Variants in SAP30BP observed in about 807,000 individuals in gnomAD.
SAP30BP encodes the protein SAP30-binding protein.
In SAP30BP, 31 loss-of-function variants were observed where a neutral mutation model predicts 46.3. The ratio of observed to expected loss-of-function variants is 0.67; its 90% CI spans 0.50 to 0.90. SAP30BP has a LOEUF of 0.90. Ranked by LOEUF, SAP30BP falls within the 40% of genes least tolerant of loss-of-function variation. The pLI is 0.00. For missense variants in SAP30BP, 312 were observed against 391.0 expected (o/e 0.80, Z 1.70); for synonymous variants, 169 against 144.2 (o/e 1.17, Z -1.23).
chr17:75,681,467 C>T (rs894621287), intron 3 of SAP30BP, among the ~76,000 whole-genome samples: 4 of 152,194 alleles, frequency 2.6e-5, no homozygotes, highest in African/African-American at 7.2e-5. Context: ...AGAGCTGACT[C>T]GGTAATTCCC....
chr17:75,673,699 G>T (rs552034849), intron 3 of SAP30BP, among the ~76,000 whole-genome samples: 4 of 152,238 alleles, frequency 2.6e-5, no homozygotes, highest in African/African-American at 9.6e-5. Flanking sequence ...CAGGGTGGGG[G>T]TCACATGAAA....
intron 3 of SAP30BP, among the ~76,000 whole-genome samples, chr17:75,682,813 A>G (rs1254650469): frequency 6.6e-6 from 1 of 151,356 alleles, no homozygotes; most frequent in Non-Finnish European, 1.5e-5. Context: ...AAATACAAAA[A>G]TTAGCCAGAC....
chr17:75,691,809 A>G (rs1158311635), intron 3 of SAP30BP: 6 of 262,210 alleles, frequency 2.3e-5, no homozygotes, highest in Admixed American at 1.5e-4. Context: ...TGTTCTCTAG[A>G]GGGAAAATGT....
intron 1 of SAP30BP, 46 bp downstream of exon 1, chr17:75,667,524 C>T (rs755787623): frequency 1.9e-6 from 3 of 1,554,914 alleles, no homozygotes; most frequent in South Asian, 2.2e-5. Context: ...GGTGTCTGCC[C>T]GGAATGCTGT....
rs1487319995 is a variant in SAP30BP at position 75,693,495 on chromosome 17, G to A, written c.307+13G>A. 6.2e-7 allele frequency: 1 copy of A among 1,613,088 alleles called. No homozygotes were observed. Among genetic ancestry groups the A allele is most frequent in the Non-Finnish European group, 8.5e-7 (1 of 1,179,418 alleles). On this transcript the variant is annotated intron_variant, in intron 4 of 10. Transcript: ENST00000584667. ...CAGGAACTCGTGGGTGAGTATTGGG[G>A]GATCCTGGGGGCACGTTTCTCAGCC...
intron 3 of SAP30BP, among the ~76,000 whole-genome samples, chr17:75,675,811 A>G (rs951029077): frequency 6.6e-6 from 1 of 152,038 alleles, no homozygotes; most frequent in Non-Finnish European, 1.5e-5. Flanking sequence ...CAGCTACTCG[A>G]GAGGCTGAGG....
intron 4 of SAP30BP, among the ~76,000 whole-genome samples, chr17:75,695,260 G>T (rs1179466768): frequency 6.6e-6 from 1 of 152,208 alleles, no homozygotes; most frequent in East Asian, 1.9e-4. Flanking sequence ...CCCACTACGT[G>T]CCAGAGGCAC....
chr17:75,699,804 G>A lies in SAP30BP; in HGVS notation c.329G>A (p.Arg110Gln), dbSNP rs755257808. The A allele has an allele frequency of 3.1e-6, 5 of 1,612,732 alleles. No individual in the cohort carries two copies. Among genetic ancestry groups the A allele is most frequent in the Admixed American group, 1.7e-5 (1 of 59,954 alleles). The change falls in exon 5 of 11, where the codon CGG (arginine) becomes CAG (glutamine). Residue 110 changes from arginine to glutamine, a missense_variant. By Grantham distance (43) the Arg-to-Gln change is conservative. Around this residue, in one of 2 missense-constraint regions of SAP30BP, gnomAD observed 296 missense variants for 346.6 expected, o/e 0.85. Coordinates refer to ENST00000584667, the MANE Select transcript of SAP30BP (RefSeq NM_013260.8). ...ACAGCCTCCTTTTCTGAAAGAGTTCGGAACATGTCGCCTGATGAAATCAAG... is the reference window on the plus strand; with the variant it reads ...ACAGCCTCCTTTTCTGAAAGAGTTCAGAACATGTCGCCTGATGAAATCAAG... Reference protein sequence around the residue: ...ELVASFSERVRNMSPDEIKIP... With the variant: ...ELVASFSERVQNMSPDEIKIP...
At chr17:75,674,599 A>G (rs183820953) in intron 3 of SAP30BP, among the ~76,000 whole-genome samples, 1 of 150,358 alleles carries the variant, frequency 6.7e-6, no homozygotes, top group Non-Finnish European at 1.5e-5. Flanking sequence ...CCCAGCCCAC[A>G]TTTTTTTAAA....
chr17:75,679,603 G>A (rs1182070919), intron 3 of SAP30BP: 2 of 152,186 alleles, frequency 1.3e-5, no homozygotes, highest in African/African-American at 4.8e-5. Context: ...TGTCCTTTAG[G>A]TTGGGGCAGC....
chr17:75,706,578 G>C lies in SAP30BP; in HGVS notation c.*57G>C. Reference sequence around the variant, plus strand: ...CGTGCAGCCCAGTGACCACTGCCCAGTGGGAGGCGCCACTTTGTATATTTC... The same window carrying C: ...CGTGCAGCCCAGTGACCACTGCCCACTGGGAGGCGCCACTTTGTATATTTC... On this transcript the variant is annotated 3_prime_UTR_variant, in exon 11 of 11. Transcript: ENST00000584667. This position sits in a 1 kb window ranked among gnomAD's most constrained non-coding sequence, Gnocchi z 4.6. 1.3e-6 allele frequency: 2 copies of C among 1,500,244 alleles called. No individual in the cohort carries two copies. The highest frequency in any genetic ancestry group is 1.8e-6 in the Non-Finnish European group (2 of 1,086,830). The allele number at this position is 1,500,244 out of a possible 1,614,324, so 92.9% of individuals were successfully genotyped here.
intron 6 of SAP30BP, 113 bp downstream of exon 6, chr17:75,702,684 A>G: frequency 5.6e-6 from 3 of 536,634 alleles, no homozygotes; most frequent in Non-Finnish European, 6.9e-6. Context: ...CATCACCCAG[A>G]CTTGTCATTA....
At chr17:75,671,904 A>G in intron 3 of SAP30BP, 41 bp downstream of exon 3, 1 of 1,535,082 alleles carries the variant, frequency 6.5e-7, no homozygotes. Context: ...GATGCAAACA[A>G]GGTGTTTGAA....
chr17:75,703,612 G>A, intron 7 of SAP30BP, 196 bp from the exon 8 acceptor site: 1 of 642,966 alleles, frequency 1.6e-6, no homozygotes, highest in Non-Finnish European at 2.8e-6. Context: ...TGCTGCTCCT[G>A]GGGTTCGCTG....
At position 75,699,771 on chromosome 17, in the gene SAP30BP, T is replaced by C. The variant is rs766598067; in HGVS notation, c.308-12T>C. ...TCCCCACCTACAGAATTTTTCCTTC[T>C]TCTCTCAACAGCCTCCTTTTCTGAA... On this transcript the variant is annotated splice_polypyrimidine_tract_variant and intron_variant, in intron 4 of 10. Transcript: ENST00000584667. 1.2e-6 allele frequency: 2 copies of C among 1,606,782 alleles called. No homozygotes were observed. The highest frequency in any genetic ancestry group is 4.5e-5 in the East Asian group (2 of 44,752).
At chr17:75,686,602 A>C (rs1235131592) in intron 3 of SAP30BP, among the ~76,000 whole-genome samples, 2 of 152,178 alleles carry the variant, frequency 1.3e-5, no homozygotes, top group African/African-American at 4.8e-5. Context: ...GTCTAAGCAA[A>C]GGCAACCCCA....
At chr17:75,705,728 C>A in intron 9 of SAP30BP, 3 of 1,160,784 alleles carry the variant, frequency 2.6e-6, no homozygotes, top group South Asian at 1.7e-5. Context: ...CGGTTCTGGG[C>A]ATGTGAGGTG....
At chr17:75,681,248 A>G in intron 3 of SAP30BP, among the ~76,000 whole-genome samples, 1 of 152,300 alleles carries the variant, frequency 6.6e-6, no homozygotes, top group African/African-American at 2.4e-5. Flanking sequence ...GGGTTACCCC[A>G]GGTAGTAGTC....
At chr17:75,687,944 G>GTGTGTT in intron 3 of SAP30BP, among the ~76,000 whole-genome samples, 1 of 97,360 alleles carries the variant, frequency 1.0e-5, no homozygotes, top group Admixed American at 1.1e-4. Flanking sequence ...GTGTGTGTGT[G>GTGTGTT]TGTGTGTGTG....
Sources: allele counts gnomAD v4.1 joint callset (sites outside exome capture counted in the v4.1 genomes callset), GRCh38; gene constraint gnomAD v4.1.1; regional missense constraint gnomAD v4.1.1; non-coding constraint Gnocchi (gnomAD v3.1); transcripts MANE v1.5; gene names NCBI Gene and HGNC (gene_info 2026-07-23, HGNC 2026-07-21).